The following ZFPM2 variants were observed in gnomAD, a reference collection of about 807,000 sequenced individuals.
ZFPM2 encodes zinc finger protein ZFPM2.
Under a neutral mutation model 98.6 loss-of-function variants are expected in ZFPM2, and 20 were observed. That is an observed-to-expected ratio of 0.20 (90% CI 0.14 to 0.29). The LOEUF (loss-of-function observed/expected upper bound fraction) is 0.29. ZFPM2 is among the 10% of genes least tolerant of loss of function. ZFPM2 has a pLI of 1.00. For synonymous variants in ZFPM2, 518 were observed against 502.7 expected (o/e 1.03, Z -0.41); for missense variants, 1,310 against 1,388.6 (o/e 0.94, Z 0.90).
At chr8:105,329,779 T>C (rs1234518196) in intron 1 of ZFPM2, among the ~76,000 whole-genome samples, 2 of 151,676 alleles carry the variant, frequency 1.3e-5, no homozygotes, top group African/African-American at 2.4e-5. Flanking sequence ...GAAACCTTGG[T>C]TGGCACAATG....
chr8:105,420,807 A>T (rs140365433), intron 2 of ZFPM2, among the ~76,000 whole-genome samples: 192 of 152,168 alleles, frequency 1.3e-3, no homozygotes, highest in African/African-American at 4.3e-3. Flanking sequence ...GACCTACCTT[A>T]TGTTGTGATG....
At chr8:105,413,485 TA>T (rs1811618721) in intron 1 of ZFPM2, among the ~76,000 whole-genome samples, 6 of 70,500 alleles carry the variant, frequency 8.5e-5, no homozygotes, top group East Asian at 3.6e-4. Flanking sequence ...TCAAACATTA[TA>T]TATATATATA....
At chr8:105,617,536 G>A (rs1469189128) in intron 4 of ZFPM2, among the ~76,000 whole-genome samples, 1 of 152,144 alleles carries the variant, frequency 6.6e-6, no homozygotes, top group Non-Finnish European at 1.5e-5. Context: ...TGAGGAGTGG[G>A]ATAGACCTGC....
At chr8:105,424,051 C>G (rs1462328430) in intron 2 of ZFPM2, among the ~76,000 whole-genome samples, 1 of 152,032 alleles carries the variant, frequency 6.6e-6, no homozygotes, top group African/African-American at 2.4e-5. Flanking sequence ...GAACAGTGTA[C>G]GCTGCTCAAG....
chr8:105,529,144 C>T (rs1210022741), intron 3 of ZFPM2, among the ~76,000 whole-genome samples: 4 of 152,112 alleles, frequency 2.6e-5, no homozygotes, highest in Admixed American at 2.0e-4. Flanking sequence ...TGTAGATGGC[C>T]ATGTTCTTCT....
At chr8:105,775,646 C>A (rs762133709) in intron 5 of ZFPM2, among the ~76,000 whole-genome samples, 1 of 152,034 alleles carries the variant, frequency 6.6e-6, no homozygotes, top group African/African-American at 2.4e-5. Context: ...CAGCTGCAAG[C>A]GAAATTTTGA....
At chr8:105,765,028 G>A (rs552475558) in intron 5 of ZFPM2, among the ~76,000 whole-genome samples, 1 of 151,730 alleles carries the variant, frequency 6.6e-6, no homozygotes. Context: ...AAAATTCTTA[G>A]ATTTCAGGAC....
chr8:105,456,856 C>T (rs1208119780), intron 3 of ZFPM2, among the ~76,000 whole-genome samples: 1 of 151,974 alleles, frequency 6.6e-6, no homozygotes, highest in African/African-American at 2.4e-5. Flanking sequence ...GTATTTTTAT[C>T]AGAGACCGGG....
chr8:105,332,420 AT>A (rs1812250325), intron 1 of ZFPM2, among the ~76,000 whole-genome samples: 1 of 151,716 alleles, frequency 6.6e-6, no homozygotes, highest in African/African-American at 2.4e-5. Context: ...TGAATGAAAA[AT>A]TTTTTTAAAA....
chr8:105,677,784 G>A (rs1014977584), intron 5 of ZFPM2, among the ~76,000 whole-genome samples: 8 of 152,054 alleles, frequency 5.3e-5, no homozygotes, highest in Non-Finnish European at 1.0e-4. Context: ...GATATGTCTA[G>A]CATTATCATT....
intron 4 of ZFPM2, among the ~76,000 whole-genome samples, chr8:105,580,964 C>G (rs891061077): frequency 4.6e-5 from 7 of 151,732 alleles, no homozygotes; most frequent in African/African-American, 1.5e-4. Context: ...ATTGTTATCT[C>G]TATTTTATAA....
At chr8:105,416,560 T>C (rs1811683135) in intron 1 of ZFPM2, among the ~76,000 whole-genome samples, 1 of 151,862 alleles carries the variant, frequency 6.6e-6, no homozygotes. Flanking sequence ...TGAAAATATC[T>C]GTTGGAGCTT....
intron 4 of ZFPM2, among the ~76,000 whole-genome samples, chr8:105,581,819 C>CA (rs1815607181): frequency 6.6e-6 from 1 of 152,208 alleles, no homozygotes; most frequent in Non-Finnish European, 1.5e-5. Context: ...AGACCCCCAT[C>CA]AGCCCTGCTC....
chr8:105,547,520 T>A (rs1224498290), intron 3 of ZFPM2, among the ~76,000 whole-genome samples: 1 of 118,870 alleles, frequency 8.4e-6, no homozygotes, highest in Non-Finnish European at 1.6e-5. Context: ...CCAGCCTGGG[T>A]GACGAGAGTG....
chr8:105,451,386 C>A (rs7833195), intron 3 of ZFPM2, among the ~76,000 whole-genome samples: 146,458 of 152,250 alleles, frequency 0.96, 70,522 homozygotes, highest in East Asian at 1. Context: ...GATGAAAGCT[C>A]TTTTGGGTTG....
At chr8:105,735,334 A>C (rs1812042834) in intron 5 of ZFPM2, among the ~76,000 whole-genome samples, 1 of 151,498 alleles carries the variant, frequency 6.6e-6, no homozygotes, top group Non-Finnish European at 1.5e-5. Flanking sequence ...TAGAGGGTTC[A>C]AAAAAATTGT....
At chr8:105,534,064 C>T (rs1166581302) in intron 3 of ZFPM2, among the ~76,000 whole-genome samples, 2 of 46,874 alleles carry the variant, frequency 4.3e-5, no homozygotes, top group Non-Finnish European at 8.0e-5. Flanking sequence ...TCCTCCCTCC[C>T]TTCCTTCCTC....
intron 5 of ZFPM2, among the ~76,000 whole-genome samples, chr8:105,730,947 A>G (rs1811920463): frequency 6.6e-6 from 1 of 151,428 alleles, no homozygotes; most frequent in Non-Finnish European, 1.5e-5. Flanking sequence ...AGGGTTAAGG[A>G]CTCACAGTCA....
chr8:105,563,970 CTG>C (rs1361359819), intron 4 of ZFPM2, among the ~76,000 whole-genome samples: 1 of 152,048 alleles, frequency 6.6e-6, no homozygotes, highest in Non-Finnish European at 1.5e-5. Flanking sequence ...CTATTACTCT[CTG>C]TATGTATACA....
Sources: allele counts gnomAD v4.1 joint callset (sites outside exome capture counted in the v4.1 genomes callset), GRCh38; gene constraint gnomAD v4.1.1; transcripts MANE v1.5; gene names NCBI Gene and HGNC (gene_info 2026-07-23, HGNC 2026-07-21).